The following MYO18B variants were observed in gnomAD, a reference collection of about 807,000 sequenced individuals.
MYO18B encodes the protein unconventional myosin-XVIIIb.
A neutral mutation model predicts 273.0 loss-of-function variants in MYO18B; 204 were observed. That is an observed-to-expected ratio of 0.75 (90% CI 0.67 to 0.84). MYO18B has a LOEUF of 0.84. MYO18B is among the 40% of genes least tolerant of loss of function. MYO18B has a pLI of 0.00. For missense variants in MYO18B, 3,212 were observed against 3,287.6 expected (o/e 0.98, Z 0.56); for synonymous variants, 1,330 against 1,305.7 (o/e 1.02, Z -0.40).
chr22:25,864,359 G>A (rs2090826728), intron 21 of MYO18B, among the ~76,000 whole-genome samples: 1 of 152,162 alleles, frequency 6.6e-6, no homozygotes, highest in Admixed American at 6.5e-5. Context: ...TTGTTTTGGG[G>A]GGAGGGGAGA....
intron 34 of MYO18B, among the ~76,000 whole-genome samples, chr22:25,931,120 G>A (rs1422737289): frequency 2.0e-5 from 3 of 152,186 alleles, no homozygotes; most frequent in African/African-American, 4.8e-5. Context: ...TTCCTGCGAT[G>A]TTTTATTTGA....
chr22:25,938,860 C>T (rs2146542675), intron 34 of MYO18B, among the ~76,000 whole-genome samples: 1 of 152,306 alleles, frequency 6.6e-6, no homozygotes. Flanking sequence ...TGGGATTGCC[C>T]AAGCTGGAGT....
chr22:25,794,153 C>T (rs2087801779), intron 11 of MYO18B, among the ~76,000 whole-genome samples: 1 of 151,910 alleles, frequency 6.6e-6, no homozygotes, highest in Admixed American at 6.6e-5. Flanking sequence ...AGGATGGTCT[C>T]GATCTCCTGA....
chr22:25,956,012 A>C (rs1366618480), intron 39 of MYO18B, among the ~76,000 whole-genome samples: 1 of 152,182 alleles, frequency 6.6e-6, no homozygotes, highest in Non-Finnish European at 1.5e-5. Context: ...ACTGTGAGGT[A>C]GGTGCTATCT....
chr22:25,881,609 G>A (rs994560525), intron 25 of MYO18B, among the ~76,000 whole-genome samples: 2 of 152,184 alleles, frequency 1.3e-5, no homozygotes, highest in South Asian at 2.1e-4. Flanking sequence ...TGCATCGGCT[G>A]TTGGGGGAGA....
At position 25,792,497 on chromosome 22, in the gene MYO18B, C is replaced by CTTTCTT. The variant is rs1472550571; in HGVS notation, c.2377-5453_2377-5452insCTTTTT. Reference sequence around the variant, plus strand: ...GTGATGTTTCTTTTTTTTTTCTTTTCTTTTTTTTTTTTTTTTGAGACAGAG... The same window carrying CTTTCTT: ...GTGATGTTTCTTTTTTTTTTCTTTTCTTTCTTTTTTTTTTTTTTTTTTGAGACAGAG... On this transcript the variant is annotated intron_variant, in intron 11 of 43. Coordinates refer to ENST00000335473, the MANE Select transcript of MYO18B (RefSeq NM_032608.7). 5.5e-3 allele frequency among the ~76,000 whole-genome samples: 598 copies of CTTTCTT among 107,934 alleles called. 8 individuals are homozygous for CTTTCTT. The highest frequency in any genetic ancestry group is 0.021 in the African/African-American group (570 of 27,398). 70.8% of individuals were successfully genotyped at this position (107,934 alleles called of 152,430 possible). A position where few individuals can be genotyped will look rare whatever the true frequency, so the allele number is the denominator to read the frequency against.
chr22:25,756,302 C>T (rs2086119574), intron 1 of MYO18B: 1 of 152,216 alleles, frequency 6.6e-6, no homozygotes, highest in Admixed American at 6.5e-5. Context: ...AAGGTAAAGA[C>T]TTCGCTGTTG....
intron 1 of MYO18B, among the ~76,000 whole-genome samples, chr22:25,753,541 T>TG (rs1220789392): frequency 6.6e-6 from 1 of 152,172 alleles, no homozygotes; most frequent in African/African-American, 2.4e-5. Context: ...TTCCGCGTTG[T>TG]GGGGTGGTTG....
intron 40 of MYO18B, among the ~76,000 whole-genome samples, chr22:26,001,673 G>C (rs992612087): frequency 1.3e-5 from 2 of 152,216 alleles, no homozygotes; most frequent in Non-Finnish European, 2.9e-5. Flanking sequence ...TCAGCCCCCT[G>C]TGTGGACAGA....
intron 42 of MYO18B, among the ~76,000 whole-genome samples, chr22:26,011,203 A>G (rs924664558): frequency 3.3e-5 from 5 of 151,840 alleles, no homozygotes; most frequent in African/African-American, 7.3e-5. Context: ...GATGGCGGCT[A>G]ACAGCTCCAA....
At position 25,992,413 on chromosome 22, in the gene MYO18B, C is replaced by T; in HGVS notation, c.6207C>T (p.Asp2069=). 6.2e-7 allele frequency: 1 copy of T among 1,614,022 alleles called. No individual in the cohort carries two copies. The highest frequency in any genetic ancestry group is 8.5e-7 in the Non-Finnish European group (1 of 1,179,892). Residue 2069 remains aspartate (D), a synonymous_variant, in exon 40 of 44, where the codon GAC becomes GAT. Transcript: ENST00000335473. ...CAGTGAGGCAAACCCTCCAGACAGA[C>T]CTGGAGACATCCATTCGGCGGATTG... ...LAAVRQTLQT[D]LETSIRRIAD...
chr22:25,919,932 T>C (rs1253688999), intron 33 of MYO18B, among the ~76,000 whole-genome samples: 4 of 152,188 alleles, frequency 2.6e-5, no homozygotes, highest in African/African-American at 9.6e-5. Flanking sequence ...CATTATCACA[T>C]CTGATCCTTG....
At chr22:25,771,975 G>A (rs537730890) in intron 6 of MYO18B, among the ~76,000 whole-genome samples, 25 of 152,300 alleles carry the variant, frequency 1.6e-4, no homozygotes, top group Non-Finnish European at 2.9e-4. Flanking sequence ...AAATGGCAGC[G>A]GATGCTCGCA....
intron 12 of MYO18B, among the ~76,000 whole-genome samples, chr22:25,822,550 T>C (rs1276311429): frequency 2.6e-5 from 4 of 152,208 alleles, no homozygotes; most frequent in Non-Finnish European, 5.9e-5. Flanking sequence ...ACAGTGCCTG[T>C]CACATGAGGG....
At chr22:25,986,346 AATTCTT>A (rs1389693067) in intron 39 of MYO18B, among the ~76,000 whole-genome samples, 2 of 151,798 alleles carry the variant, frequency 1.3e-5, no homozygotes, top group Admixed American at 6.6e-5. Context: ...TGATAAAGAT[AATTCTT>A]ATTCTTTACA....
chr22:25,957,907 T>C (rs552216485), intron 39 of MYO18B, among the ~76,000 whole-genome samples: 2 of 151,472 alleles, frequency 1.3e-5, no homozygotes, highest in East Asian at 1.9e-4. Context: ...CTACAAACGC[T>C]TTTGCTTTTT....
At chr22:25,875,723 A>T (rs941299509) in intron 23 of MYO18B, among the ~76,000 whole-genome samples, 3 of 152,238 alleles carry the variant, frequency 2.0e-5, no homozygotes, top group African/African-American at 7.2e-5. Context: ...GAGAAGCATG[A>T]AATTACTGTT....
At chr22:25,746,693 C>T (rs750188543) in intron 1 of MYO18B, among the ~76,000 whole-genome samples, 1 of 152,200 alleles carries the variant, frequency 6.6e-6, no homozygotes, top group Non-Finnish European at 1.5e-5. Flanking sequence ...CCATGAACCA[C>T]GTGGCTCATA....
intron 34 of MYO18B, among the ~76,000 whole-genome samples, chr22:25,941,292 A>G (rs1185348432): frequency 6.6e-6 from 1 of 152,152 alleles, no homozygotes; most frequent in African/African-American, 2.4e-5. Flanking sequence ...GGACGTGATG[A>G]TTACTCAGAG....
Sources: gnomAD v4.1 joint callset for allele counts (sites outside exome capture counted in the v4.1 genomes callset) on GRCh38, gnomAD v4.1.1 for gene constraint, MANE v1.5 for transcripts, NCBI Gene and HGNC (gene_info 2026-07-23, HGNC 2026-07-21) for gene names.